BABAM2: variants seen among roughly 807,000 people sequenced by gnomAD.
BABAM2 encodes the protein BRISC and BRCA1-A complex member 2.
BABAM2 carries 31 observed loss-of-function variants against 54.7 expected under a neutral mutation model. The observed-to-expected ratio is 0.57, with a 90% CI of 0.43 to 0.77. The LOEUF is 0.77. Ranked by LOEUF, BABAM2 falls within the 30% of genes least tolerant of loss-of-function variation. The pLI is 0.00. For synonymous variants in BABAM2, 167 were observed against 162.9 expected (o/e 1.03, Z -0.19); for missense variants, 364 against 455.8 (o/e 0.80, Z 1.83).
intron 6 of BABAM2, among the ~76,000 whole-genome samples, chr2:28,125,069 A>C (rs1669387902): frequency 6.6e-6 from 1 of 152,184 alleles, no homozygotes; most frequent in Admixed American, 6.5e-5. Flanking sequence ...GGATTTGATC[A>C]GGAAATTTAC....
chr2:28,281,473 T>G (rs934827725), intron 10 of BABAM2, among the ~76,000 whole-genome samples: 2 of 152,088 alleles, frequency 1.3e-5, no homozygotes, highest in African/African-American at 4.8e-5. Flanking sequence ...GCCCCACCAG[T>G]CTCCTCCCAG....
intron 7 of BABAM2, among the ~76,000 whole-genome samples, chr2:28,212,045 A>G (rs993827163): frequency 1.3e-5 from 2 of 152,100 alleles, no homozygotes; most frequent in African/African-American, 4.8e-5. Context: ...TCCCTGTAAA[A>G]TTGACTTGTT....
chr2:28,312,213 G>C (rs1404291848), intron 11 of BABAM2, among the ~76,000 whole-genome samples: 2 of 152,166 alleles, frequency 1.3e-5, no homozygotes, highest in Non-Finnish European at 2.9e-5. Context: ...ATATCATAAT[G>C]ACAAGCAGAG....
chr2:28,193,687 G>A (rs930432765), intron 7 of BABAM2, among the ~76,000 whole-genome samples: 10 of 152,152 alleles, frequency 6.6e-5, no homozygotes, highest in Non-Finnish European at 1.0e-4. Context: ...AAGAAGTTAC[G>A]TCACGATGTA....
intron 6 of BABAM2, among the ~76,000 whole-genome samples, chr2:28,056,754 G>A (rs1253345788): frequency 2.0e-5 from 3 of 152,198 alleles, no homozygotes; most frequent in African/African-American, 7.2e-5. Context: ...ACTAAATACA[G>A]CAACTAAATG....
At chr2:28,209,086 A>G (rs997179403) in intron 7 of BABAM2, among the ~76,000 whole-genome samples, 2 of 152,150 alleles carry the variant, frequency 1.3e-5, no homozygotes, top group Admixed American at 1.3e-4. Flanking sequence ...TATTTGCAAC[A>G]ATACAACTTT....
intron 2 of BABAM2, among the ~76,000 whole-genome samples, chr2:27,899,114 A>G (rs1665572522): frequency 6.6e-6 from 1 of 152,118 alleles, no homozygotes; most frequent in South Asian, 2.1e-4. Flanking sequence ...AAAATAAAGA[A>G]AAAAAATAAA....
intron 7 of BABAM2, among the ~76,000 whole-genome samples, chr2:28,209,648 C>T (rs1365543061): frequency 6.6e-6 from 1 of 152,126 alleles, no homozygotes; most frequent in Admixed American, 6.5e-5. Context: ...ACTGGACACC[C>T]ATGTGTCAGA....
chr2:28,274,832 C>T (rs1685731705), intron 10 of BABAM2, among the ~76,000 whole-genome samples: 1 of 152,110 alleles, frequency 6.6e-6, no homozygotes, highest in Non-Finnish European at 1.5e-5. Flanking sequence ...AATGGTGTGA[C>T]TCTTCCCATT....
chr2:28,164,286 A>G (rs868481753), intron 7 of BABAM2, among the ~76,000 whole-genome samples: 1 of 152,150 alleles, frequency 6.6e-6, no homozygotes, highest in Non-Finnish European at 1.5e-5. Flanking sequence ...GTTGTGTCAA[A>G]CACAACCGAA....
chr2:28,112,105 C>CT (rs1202767588), intron 6 of BABAM2, among the ~76,000 whole-genome samples: 1 of 8,740 alleles, frequency 1.1e-4, no homozygotes, highest in African/African-American at 5.2e-4. Flanking sequence ...TTCTTTCTTT[C>CT]TTTCTTTCTT....
intron 7 of BABAM2, among the ~76,000 whole-genome samples, chr2:28,144,437 C>A (rs1296123178): frequency 1.3e-5 from 2 of 152,198 alleles, no homozygotes; most frequent in Non-Finnish European, 2.9e-5. Flanking sequence ...CAGCTCTAGA[C>A]TTTGCTTGAG....
intron 7 of BABAM2, among the ~76,000 whole-genome samples, chr2:28,136,694 G>A (rs1376120475): frequency 1.3e-5 from 2 of 152,110 alleles, no homozygotes; most frequent in Non-Finnish European, 2.9e-5. Context: ...TGACCTATGT[G>A]ACCTAATATA....
intron 7 of BABAM2, among the ~76,000 whole-genome samples, chr2:28,137,659 G>C (rs564519614): frequency 3.9e-5 from 6 of 152,168 alleles, no homozygotes; most frequent in Admixed American, 2.0e-4. Context: ...TTCTGGTGTA[G>C]AACTCCCACC....
intron 7 of BABAM2, among the ~76,000 whole-genome samples, chr2:28,171,365 A>G (rs939519066): frequency 6.6e-6 from 1 of 152,082 alleles, no homozygotes; most frequent in East Asian, 1.9e-4. Context: ...AGCACTTCCT[A>G]TATGTTTTTT....
intron 4 of BABAM2, among the ~76,000 whole-genome samples, chr2:28,011,158 G>A (rs1674364768): frequency 6.6e-6 from 1 of 152,142 alleles, no homozygotes; most frequent in South Asian, 2.1e-4. Context: ...TCAGCAAGAG[G>A]GGAATGGATG....
chr2:27,929,072 G>T (rs1387772944), intron 2 of BABAM2, among the ~76,000 whole-genome samples: 2 of 78,356 alleles, frequency 2.6e-5, no homozygotes, highest in Non-Finnish European at 3.0e-5. Context: ...AAAAAAAAAA[G>T]CCAGGTGTGG....
chr2:27,934,311 C>G (rs1668332080), intron 3 of BABAM2, among the ~76,000 whole-genome samples: 1 of 152,136 alleles, frequency 6.6e-6, no homozygotes, highest in Non-Finnish European at 1.5e-5. Flanking sequence ...ATTGTTGACT[C>G]TTGAATGTTA....
chr2:28,013,868 A>C (rs1292720966), intron 4 of BABAM2, among the ~76,000 whole-genome samples: 1 of 150,484 alleles, frequency 6.6e-6, no homozygotes, highest in South Asian at 2.1e-4. Flanking sequence ...GCTCCCAAAA[A>C]CTCCCCAAAA....
Sources: gnomAD v4.1 joint callset for allele counts (sites outside exome capture counted in the v4.1 genomes callset) on GRCh38, gnomAD v4.1.1 for gene constraint, MANE v1.5 for transcripts, NCBI Gene and HGNC (gene_info 2026-07-23, HGNC 2026-07-21) for gene names.